The following COL19A1 variants were observed in gnomAD, a reference collection of about 807,000 sequenced individuals.
COL19A1 encodes collagen alpha-1(XIX) chain.
Under a neutral mutation model 190.2 loss-of-function variants are expected in COL19A1, and 159 were observed. The observed-to-expected ratio is 0.84, with a 90% CI of 0.73 to 0.95. COL19A1 has a LOEUF of 0.95. COL19A1 is among the 40% of genes least tolerant of loss of function. The pLI, the probability that COL19A1 is intolerant of heterozygous loss-of-function variation, is 0.00. For synonymous variants in COL19A1, 509 were observed against 458.9 expected, an observed-to-expected ratio of 1.11 and a Z score of -1.39; for missense variants, 1,418 against 1,431.9, an observed-to-expected ratio of 0.99 and a Z score of 0.16.
At position 69,898,991 on chromosome 6, in the gene COL19A1, A is replaced by G. The variant is rs750982873; in HGVS notation, c.135A>G (p.Thr45=). 1.2e-6 allele frequency: 2 copies of G among 1,612,394 alleles called. No individual in the cohort carries two copies. The highest frequency in any genetic ancestry group is 1.7e-6 in the Non-Finnish European group (2 of 1,178,672). Residue 45 remains threonine, a synonymous_variant, in exon 3 of 51, where the codon ACA becomes ACG. Coordinates refer to ENST00000620364, the MANE Select transcript of COL19A1 (RefSeq NM_001858.6). ...TGAGAATAGAGGGACATCAGCTGAC[A>G]TATGACAACATAAACAAACTTGAAG... ...PILRIEGHQL[T]YDNINKLEVS... is the part of the protein sequence containing the mutation.
At chr6:69,926,171 C>T (rs866119483) in intron 4 of COL19A1, among the ~76,000 whole-genome samples, 2 of 152,206 alleles carry the variant, frequency 1.3e-5, no homozygotes, top group Non-Finnish European at 1.5e-5. Flanking sequence ...TGCCAGTTTT[C>T]AAAGGGAATG....
At chr6:69,998,814 AT>A (rs1777079341) in intron 11 of COL19A1, among the ~76,000 whole-genome samples, 1 of 152,138 alleles carries the variant, frequency 6.6e-6, no homozygotes, top group East Asian at 1.9e-4. Flanking sequence ...ATTCATCACT[AT>A]TCTACAATAT....
chr6:70,125,311 A>G lies in COL19A1; in HGVS notation c.1341+3369A>G, dbSNP rs542047630. ...GCCCTAGACCTCAGCTCTTCAACTC[A>G]CAGTGGCTTCAACAGTCACACAGCC... On this transcript the variant is annotated intron_variant, in intron 17 of 50. Coordinates refer to ENST00000620364, the MANE Select transcript of COL19A1 (RefSeq NM_001858.6). 2.0e-5 allele frequency among the ~76,000 whole-genome samples: 3 copies of G among 152,300 alleles called. No homozygotes were observed. The East Asian group carries it at 5.8e-4, about 29-fold the overall frequency.
At chr6:70,019,512 A>C (rs950766721) in intron 11 of COL19A1, among the ~76,000 whole-genome samples, 5 of 152,286 alleles carry the variant, frequency 3.3e-5, no homozygotes, top group African/African-American at 1.2e-4. Flanking sequence ...ATAATATTTC[A>C]TATGACAAGA....
chr6:70,063,677 AT>A, intron 14 of COL19A1, among the ~76,000 whole-genome samples: 1 of 152,316 alleles, frequency 6.6e-6, no homozygotes, highest in Admixed American at 6.5e-5. Flanking sequence ...CCTTCAAAAA[AT>A]TAATGAATCC....
At chr6:70,092,367 G>A (rs3806021) in intron 15 of COL19A1, among the ~76,000 whole-genome samples, 95,646 of 151,908 alleles carry the variant, frequency 0.63, 30,412 homozygotes, top group South Asian at 0.71. Flanking sequence ...CTGTCTAAAT[G>A]CCTGTTGCAA....
chr6:70,028,451 A>G (rs1056229122), intron 12 of COL19A1, among the ~76,000 whole-genome samples: 3 of 152,160 alleles, frequency 2.0e-5, no homozygotes, highest in African/African-American at 7.2e-5. Context: ...GAATAGACCA[A>G]GAGTCTGTCT....
At chr6:69,889,609 T>G (rs1769191290) in intron 2 of COL19A1, among the ~76,000 whole-genome samples, 1 of 150,372 alleles carries the variant, frequency 6.7e-6, no homozygotes, top group Non-Finnish European at 1.5e-5. Flanking sequence ...AATGTACCAA[T>G]CAGCGCTGTG....
At chr6:70,108,106 G>A (rs574335622) in intron 16 of COL19A1, among the ~76,000 whole-genome samples, 8 of 152,180 alleles carry the variant, frequency 5.3e-5, no homozygotes, top group African/African-American at 1.7e-4. Context: ...GAAATGAGGC[G>A]GAGCAGGAGA....
intron 31 of COL19A1, among the ~76,000 whole-genome samples, chr6:70,153,141 G>A (rs1365742703): frequency 1.3e-5 from 2 of 152,028 alleles, no homozygotes; most frequent in Admixed American, 6.6e-5. Flanking sequence ...GTAGTTCCCC[G>A]AACAAAATCC....
At chr6:70,079,466 A>G (rs1363919878) in intron 15 of COL19A1, among the ~76,000 whole-genome samples, 5 of 152,164 alleles carry the variant, frequency 3.3e-5, no homozygotes, top group Admixed American at 2.6e-4. Context: ...GAGAAACTAG[A>G]AAGAAAAGAA....
chr6:70,046,741 A>G (rs892178426), intron 14 of COL19A1, among the ~76,000 whole-genome samples: 6 of 152,052 alleles, frequency 3.9e-5, no homozygotes, highest in African/African-American at 1.2e-4. Flanking sequence ...TCATTTTTTC[A>G]TTTCTCAGCA....
intron 11 of COL19A1, among the ~76,000 whole-genome samples, chr6:69,980,282 T>A (rs1016081012): frequency 6.6e-6 from 1 of 152,094 alleles, no homozygotes; most frequent in African/African-American, 2.4e-5. Context: ...TTATGTGAAG[T>A]TAATTTAATA....
Position 69,929,587 on chromosome 6 carries a change from C to G in COL19A1, c.553C>G (p.Leu185Val). 6.2e-7 allele frequency: 1 copy of G among 1,613,968 alleles called. No homozygotes were observed. Among genetic ancestry groups the G allele is most frequent in the Non-Finnish European group, 8.5e-7 (1 of 1,179,960 alleles). The change falls in exon 6 of 51, where the codon CTT (leucine) becomes GTT (valine). Residue 185 changes from leucine (L) to valine (V), a missense_variant. Transcript: ENST00000620364. The part of the protein sequence containing the change: ...GISIQSQVIS[L>V]YMDCNLIARR... The stretch of plus-strand genomic sequence containing the variant: ...TAGTATACAATCCCAGGTCATTTCA[C>G]TTTATATGGATTGTAATTTAATTGC...
chr6:70,071,130 C>G (rs939246008), intron 15 of COL19A1, among the ~76,000 whole-genome samples: 6 of 152,092 alleles, frequency 3.9e-5, no homozygotes, highest in African/African-American at 1.4e-4. Context: ...CTACCAATAT[C>G]TCACAATTAT....
intron 49 of COL19A1, among the ~76,000 whole-genome samples, chr6:70,204,089 G>C (rs568692219): frequency 1.6e-3 from 247 of 152,296 alleles, no homozygotes; most frequent in Non-Finnish European, 2.6e-3. Context: ...TTGAACTCCT[G>C]ACCTCAGGTG....
At chr6:69,919,353 C>T (rs1771542175) in intron 4 of COL19A1, among the ~76,000 whole-genome samples, 1 of 152,064 alleles carries the variant, frequency 6.6e-6, no homozygotes, top group Admixed American at 6.6e-5. Context: ...GAAGAAAGCT[C>T]TAAAAGTAGA....
chr6:70,084,843 G>A (rs867530773), intron 15 of COL19A1, among the ~76,000 whole-genome samples: 5 of 152,258 alleles, frequency 3.3e-5, no homozygotes, highest in Admixed American at 6.5e-5. Context: ...TTAATAAAAT[G>A]TAACCCTCTG....
At chr6:69,897,664 G>A (rs1186927803) in intron 2 of COL19A1, among the ~76,000 whole-genome samples, 1 of 152,116 alleles carries the variant, frequency 6.6e-6, no homozygotes, top group Non-Finnish European at 1.5e-5. Flanking sequence ...GATCTTGAAT[G>A]AGGTGCTTGG....
Sources: allele counts gnomAD v4.1 joint callset (sites outside exome capture counted in the v4.1 genomes callset), GRCh38; gene constraint gnomAD v4.1.1; transcripts MANE v1.5; gene names NCBI Gene and HGNC (gene_info 2026-07-23, HGNC 2026-07-21).